Variants in TMF1 observed in about 807,000 individuals in gnomAD.
TMF1 encodes the protein TATA element modulatory factor 1.
TMF1 carries 71 observed loss-of-function variants against 126.5 expected under a neutral mutation model. The observed-to-expected ratio is 0.56, with a 90% confidence interval of 0.46 to 0.68. The LOEUF is 0.68. Among genes scored for constraint, TMF1 ranks in the 30% least tolerant of loss-of-function variants. The pLI is 0.00. For synonymous variants in TMF1, 461 were observed against 430.5 expected, an observed-to-expected ratio of 1.07 and a Z score of -0.88; for missense variants, 1,259 against 1,253.2, an observed-to-expected ratio of 1.00 and a Z score of -0.07.
At chr3:69,035,146 C>T in intron 8 of TMF1, 31 bp from the exon 9 acceptor site, 1 of 1,560,124 alleles carries the variant, frequency 6.4e-7, no homozygotes, top group Non-Finnish European at 8.8e-7. Context: ...CATTCACAAA[C>T]AATGGTACAG....
rs757089270 is a variant in TMF1, at chr3:69,034,990, T to C, written c.2244+33A>G. 2.6e-6 allele frequency: 4 copies of C among 1,550,642 alleles called. No homozygotes were observed. The South Asian group carries it at 4.5e-5, about 17-fold the overall frequency. ...TTATTTCTAGAAAAACACATACTTCTTGGATTTGTGTTTTGGAAACCTGTG... is the reference window on the plus strand; with the variant it reads ...TTATTTCTAGAAAAACACATACTTCCTGGATTTGTGTTTTGGAAACCTGTG... On this transcript the variant is annotated intron_variant, in intron 9 of 16. Coordinates refer to ENST00000398559, the MANE Select transcript of TMF1 (RefSeq NM_007114.3).
chr3:69,022,050 A>G lies in TMF1; in HGVS notation c.*1127T>C, dbSNP rs916314510. 2 of 152,660 alleles carry G rather than the reference A, an allele frequency of 1.3e-5. No individual in the cohort carries two copies. The highest frequency in any genetic ancestry group is 1.9e-4 in the East Asian group (1 of 5,198). 9.5% of individuals were successfully genotyped at this position (152,660 alleles called of 1,614,324 possible). On this transcript the variant is annotated 3_prime_UTR_variant, in exon 17 of 17. Transcript: ENST00000398559. ...ACTTTCAGTAATAAAATGCATCACAATATTTCACAGGTTTAAAACACAACC... is the reference window on the plus strand; with the variant it reads ...ACTTTCAGTAATAAAATGCATCACAGTATTTCACAGGTTTAAAACACAACC...
At chr3:69,033,387 T>C (rs1269439743) in intron 10 of TMF1, among the ~76,000 whole-genome samples, 161 bp downstream of exon 10, 1 of 151,632 alleles carries the variant, frequency 6.6e-6, no homozygotes, top group Non-Finnish European at 1.5e-5. Flanking sequence ...ATAATAAAGG[T>C]ATTAAAAATA....
rs1269536347 is a variant in TMF1, at chr3:69,023,193, C to G, written c.3266G>C (p.Arg1089Thr). The G allele has an allele frequency of 1.2e-6, 2 of 1,610,540 alleles. No individual in the cohort carries two copies. Among genetic ancestry groups the G allele is most frequent in the Non-Finnish European group, 1.7e-6 (2 of 1,177,936 alleles). ...TTTCACAAGTTAACTGAGACTTTGT[C>G]TTAAAAGTTCATCTATTTGAGTTTT... Reference protein sequence around the residue: ...MYKTQIDELLRQSLS With the variant: ...MYKTQIDELLTQSLS The change falls in exon 17 of 17, where the codon AGA becomes ACA. Residue 1089 changes from arginine to threonine, a missense_variant. Transcript: ENST00000398559.
Position 69,049,570 on chromosome 3 carries a change from T to C in TMF1, c.143-1008A>G, listed in dbSNP as rs7426611. 5.0e-3 allele frequency among the ~76,000 whole-genome samples: 764 copies of C among 152,278 alleles called. 7 individuals are homozygous for C. Among genetic ancestry groups the C allele is most frequent in the African/African-American group, 0.017 (708 of 41,534 alleles). ...GGAAGTTTTGTTCTCAAATTCTAAA[T>C]TATGTCAGAAATTACAAGGTCATTA... is the stretch of plus-strand genomic sequence containing the variant. On this transcript the variant is annotated intron_variant, in intron 1 of 16. Transcript: ENST00000398559.
chr3:69,029,317 G>T (rs1248038329), intron 11 of TMF1, among the ~76,000 whole-genome samples: 1 of 151,940 alleles, frequency 6.6e-6, no homozygotes, highest in East Asian at 1.9e-4. Context: ...ACAGGCATGA[G>T]CCACAGCACC....
intron 2 of TMF1, among the ~76,000 whole-genome samples, chr3:69,045,982 G>C (rs1422943380): frequency 7.2e-5 from 11 of 152,060 alleles, no homozygotes; most frequent in Non-Finnish European, 1.6e-4. Context: ...CTTGAGCCCA[G>C]GAGGTCAAGG....
At position 69,025,948 on chromosome 3, in the gene TMF1, T is replaced by C. The variant is rs531464323; in HGVS notation, c.2859+48A>G. On this transcript the variant is annotated intron_variant, in intron 14 of 16. Coordinates refer to ENST00000398559, the MANE Select transcript of TMF1 (RefSeq NM_007114.3). ...ACAATATTGCCATTTGCATATTTCC[T>C]TTATTATTATTCTAAGAACTAAGCA... 39 of 1,474,070 alleles carry C rather than the reference T, an allele frequency of 2.6e-5. No homozygotes were observed. In the South Asian group the frequency reaches 4.5e-4, roughly 17 times the overall value. 91.3% of individuals were successfully genotyped at this position (1,474,070 alleles called of 1,614,324 possible). A position where few individuals can be genotyped will look rare whatever the true frequency, so the allele number is the denominator to read the frequency against.
chr3:69,028,680 T>G (rs577843072), intron 11 of TMF1, among the ~76,000 whole-genome samples: 10 of 150,980 alleles, frequency 6.6e-5, no homozygotes, highest in African/African-American at 1.7e-4. Flanking sequence ...CATTTTTACT[T>G]GACATTTTTT....
At chr3:69,025,840 A>C (rs1170695311) in intron 14 of TMF1, 128 bp from the exon 15 acceptor site, 1 of 1,203,232 alleles carries the variant, frequency 8.3e-7, no homozygotes, top group East Asian at 2.5e-5. Flanking sequence ...AAAATCATTC[A>C]CGTGTTTCCT....
At position 69,047,554 on chromosome 3, in the gene TMF1, A is replaced by C. The variant is rs773792115; in HGVS notation, c.1151T>G (p.Leu384Ter). 1 of 1,614,138 alleles carries C rather than the reference A, an allele frequency of 6.2e-7. No individual in the cohort carries two copies. Among genetic ancestry groups the C allele is most frequent in the Non-Finnish European group, 8.5e-7 (1 of 1,180,028 alleles). ...TTCTGCTTCCTCAGTGGGTATAACTAATGTTTCATTTACTTCTTCAGATTT... is the reference window on the plus strand; with the variant it reads ...TTCTGCTTCCTCAGTGGGTATAACTCATGTTTCATTTACTTCTTCAGATTT... ...EGKSEEVNET[L>*]VIPTEEAEME... is the part of the protein sequence containing the mutation. Residue 384 changes from leucine (L) to a stop codon, truncating the protein, a stop_gained, in exon 2 of 17, where the codon TTA (leucine) becomes TGA (stop). Coordinates refer to ENST00000398559, the MANE Select transcript of TMF1 (RefSeq NM_007114.3). LOFTEE classifies it high-confidence loss of function.
At chr3:69,029,752 T>G in intron 11 of TMF1, 63 bp downstream of exon 11, 1 of 1,480,270 alleles carries the variant, frequency 6.8e-7, no homozygotes, top group Non-Finnish European at 9.1e-7. Flanking sequence ...AACAACATAC[T>G]TTTAAAAAGT....
intron 3 of TMF1, 130 bp from the exon 4 acceptor site, chr3:69,044,006 C>A: frequency 3.3e-6 from 2 of 611,998 alleles, no homozygotes; most frequent in Non-Finnish European, 4.9e-6. Flanking sequence ...CAGTTTTAGG[C>A]CTATTAACTT....
At chr3:69,042,633 G>A (rs763834203) in intron 5 of TMF1, 174 bp downstream of exon 5, 3 of 701,084 alleles carry the variant, frequency 4.3e-6, no homozygotes, top group Non-Finnish European at 7.7e-6. Flanking sequence ...ACGTATCTCT[G>A]TCTCAATATA....
At chr3:69,027,194 C>G (rs1695797012) in intron 13 of TMF1, among the ~76,000 whole-genome samples, 1 of 152,068 alleles carries the variant, frequency 6.6e-6, no homozygotes, top group South Asian at 2.1e-4. Flanking sequence ...TGGGGTTTTG[C>G]CATGTTGGCC....
At chr3:69,030,133 G>A in intron 10 of TMF1, 126 bp from the exon 11 acceptor site, 1 of 752,456 alleles carries the variant, frequency 1.3e-6, no homozygotes, top group Non-Finnish European at 2.1e-6. Flanking sequence ...ACTATTTATT[G>A]CCTAAGGCAG....
chr3:69,040,365 G>C (rs561897272), intron 5 of TMF1: 1 of 152,342 alleles, frequency 6.6e-6, no homozygotes, highest in South Asian at 2.1e-4. Flanking sequence ...AATTAATGCT[G>C]ATTTCTTAGG....
At position 69,051,958 on chromosome 3, in the gene TMF1, C is replaced by T. The variant is rs777261366; in HGVS notation, c.129G>A (p.Pro43=). 14 of 1,613,390 alleles carry T rather than the reference C, an allele frequency of 8.7e-6. No individual in the cohort carries two copies. Among genetic ancestry groups the T allele is most frequent in the Middle Eastern group, 1.6e-4 (1 of 6,076 alleles). ...TCTCTCTCTTACCCGGCTCTCCATA[C>T]GGAATGGTCTCGGCCCAGATGCTCG... The part of the protein sequence containing the change: ...EEPSIWAETI[P]YGEPGISSPV... Residue 43 remains proline, a synonymous_variant, in exon 1 of 17, where the codon CCG becomes CCA. Coordinates refer to ENST00000398559, the MANE Select transcript of TMF1 (RefSeq NM_007114.3).
Position 69,048,310 on chromosome 3 carries a change from C to T in TMF1, c.395G>A (p.Ser132Asn), listed in dbSNP as rs773314310. Reference sequence around the variant, plus strand: ...GCCAATGTGCAAGGATTCATGTAAGCTGCTTTTCACTTCTTCTTCTGGTCG... The same window carrying T: ...GCCAATGTGCAAGGATTCATGTAAGTTGCTTTTCACTTCTTCTTCTGGTCG... ...SQRPEEEVKSSLHESLHIGQS... is the reference protein window; with the variant it reads ...SQRPEEEVKSNLHESLHIGQS... Residue 132 changes from serine to asparagine, a missense_variant, in exon 2 of 17, where the codon AGC (serine) becomes AAC (asparagine). Physicochemically the swap from Ser to Asn is conservative, Grantham distance 46 (BLOSUM62 1). Coordinates refer to ENST00000398559, the MANE Select transcript of TMF1 (RefSeq NM_007114.3). 4 of 1,614,204 alleles carry T rather than the reference C, an allele frequency of 2.5e-6. No individual in the cohort carries two copies.
Sources: allele counts gnomAD v4.1 joint callset (sites outside exome capture counted in the v4.1 genomes callset), GRCh38; gene constraint gnomAD v4.1.1; transcripts MANE v1.5; gene names NCBI Gene and HGNC (gene_info 2026-07-23, HGNC 2026-07-21).